Variants in SEC14L5 observed in about 807,000 individuals in gnomAD.
SEC14L5 encodes SEC14-like protein 5.
Under a neutral mutation model 84.6 loss-of-function variants are expected in SEC14L5, and 96 were observed. The ratio of observed to expected loss-of-function variants is 1.13; its 90% CI spans 0.96 to 1.34. The LOEUF (loss-of-function observed/expected upper bound fraction) is 1.34, where lower values mean the gene tolerates loss of function less well. SEC14L5 is among the 40% of genes most tolerant of loss of function. The probability of loss-of-function intolerance (pLI) is 0.00; values close to 1 mark genes in which losing one functional copy is unlikely to be tolerated. For missense variants in SEC14L5, 1,224 were observed against 942.5 expected, an observed-to-expected ratio of 1.30 and a Z score of -3.91; for synonymous variants, 546 against 383.4, an observed-to-expected ratio of 1.42 and a Z score of -4.95.
chr16:5,012,343 A>G (rs1320778830), intron 15 of SEC14L5, among the ~76,000 whole-genome samples: 2 of 152,154 alleles, frequency 1.3e-5, no homozygotes, highest in South Asian at 4.1e-4. Context: ...GGGCTGGGCC[A>G]GACGCTGCAC....
chr16:5,006,177 G>C (rs1433741842), intron 12 of SEC14L5, 129 bp downstream of exon 12: 2 of 912,360 alleles, frequency 2.2e-6, no homozygotes, highest in Non-Finnish European at 3.3e-6. Context: ...CTCTGCCTAG[G>C]GCAGGTCTTG....
rs144760961 is a variant in SEC14L5, at chr16:5,017,396, C to A, written c.*2426C>A. 6.6e-6 allele frequency: 1 copy of A among 152,408 alleles called. No individual in the cohort carries two copies. The highest frequency in any genetic ancestry group is 1.9e-4 in the East Asian group (1 of 5,188). 9.4% of individuals were successfully genotyped at this position (152,408 alleles called of 1,614,324 possible). A position where few individuals can be genotyped will look rare whatever the true frequency, so the allele number is the denominator to read the frequency against. ...ATGGCTGGATCCAGGAGCTTAATGTCCTCAGGCCTCTCAACTGCACCCAGG... is the reference window on the plus strand; with the variant it reads ...ATGGCTGGATCCAGGAGCTTAATGTACTCAGGCCTCTCAACTGCACCCAGG... On this transcript the variant is annotated 3_prime_UTR_variant, in exon 16 of 16. Transcript: ENST00000251170.
intron 2 of SEC14L5, among the ~76,000 whole-genome samples, chr16:4,980,288 C>G (rs1242554728): frequency 6.6e-6 from 1 of 152,214 alleles, no homozygotes; most frequent in African/African-American, 2.4e-5. Context: ...AGCCTCAGCT[C>G]GAATGTCCCC....
At position 5,004,534 on chromosome 16, in the gene SEC14L5, C is replaced by G. The variant is rs191190347; in HGVS notation, c.1302+961C>G. 3.4e-4 allele frequency among the ~76,000 whole-genome samples: 51 copies of G among 152,068 alleles called. No individual in the cohort carries two copies. In the East Asian group the frequency reaches 8.8e-3, roughly 26 times the overall value. On this transcript the variant is annotated intron_variant, in intron 11 of 15. Coordinates refer to ENST00000251170, the MANE Select transcript of SEC14L5 (RefSeq NM_014692.2). ...GTGACTGCAGTAAGCCTGGCCACCC[C>G]CAAGAGGAGGGAATGTCCTTGCAGA...
rs571736843 is a variant in SEC14L5, at chr16:5,016,162, G to A, written c.*1192G>A. The A allele has an allele frequency of 1.3e-5, 2 of 152,302 alleles. No individual in the cohort carries two copies. Among genetic ancestry groups the A allele is most frequent in the Non-Finnish European group, 1.5e-5 (1 of 68,052 alleles). The allele number at this position is 152,302 out of a possible 1,614,324, so 9.4% of individuals were successfully genotyped here. On this transcript the variant is annotated 3_prime_UTR_variant, in exon 16 of 16. Transcript: ENST00000251170. ...ATTCCCCCCGCGAGTGGAGGCTGCT[G>A]TGTTTGCCCTGGGGCAGATATGACT...
intron 2 of SEC14L5, among the ~76,000 whole-genome samples, chr16:4,963,035 C>T (rs976082151): frequency 6.0e-4 from 91 of 152,172 alleles, no homozygotes; most frequent in African/African-American, 2.1e-3. Flanking sequence ...ATTTTCACTG[C>T]ATCCGAGTGA....
At chr16:5,007,647 C>T (rs1246951586) in intron 13 of SEC14L5, among the ~76,000 whole-genome samples, 161 bp downstream of exon 13, 1 of 149,762 alleles carries the variant, frequency 6.7e-6, no homozygotes, top group African/African-American at 2.5e-5. Context: ...GCTCTGTTGC[C>T]CAGGCTGGAG....
intron 15 of SEC14L5, among the ~76,000 whole-genome samples, chr16:5,013,078 C>T (rs1955825219): frequency 6.6e-6 from 1 of 152,244 alleles, no homozygotes; most frequent in South Asian, 2.1e-4. Flanking sequence ...CATCAGACCT[C>T]ATGAGAACTC....
intron 10 of SEC14L5, 118 bp from the exon 11 acceptor site, chr16:5,003,284 C>A: frequency 1.4e-6 from 1 of 729,950 alleles, no homozygotes; most frequent in Non-Finnish European, 2.3e-6. Context: ...GTGGCAGGAG[C>A]CCCCATCTGC....
chr16:5,003,523 C>T lies in SEC14L5; in HGVS notation c.1252C>T (p.Arg418Trp), dbSNP rs546103563. 3.4e-5 allele frequency: 50 copies of T among 1,480,952 alleles called. No individual in the cohort carries two copies. The highest frequency in any genetic ancestry group is 9.0e-5 in the South Asian group (8 of 89,274). The allele number at this position is 1,480,952 out of a possible 1,614,324, so 91.7% of individuals were successfully genotyped here. The change falls in exon 11 of 16, where the codon CGG (arginine) becomes TGG (tryptophan). Residue 418 changes from arginine to tryptophan, a missense_variant. Transcript: ENST00000251170. ...GGACAATTACCCAGAGACCCTGGGT[C>T]GGCTGCTCATCGTGCGAGCCCCCCG... Reference protein sequence around the residue: ...VEDNYPETLGRLLIVRAPRVF... With the variant: ...VEDNYPETLGWLLIVRAPRVF...
At chr16:4,988,970 C>T (rs1596628727) in intron 4 of SEC14L5, among the ~76,000 whole-genome samples, 1 of 152,264 alleles carries the variant, frequency 6.6e-6, no homozygotes, top group South Asian at 2.1e-4. Flanking sequence ...GTGTGGGAGT[C>T]AGAGAAGGTG....
intron 2 of SEC14L5, among the ~76,000 whole-genome samples, chr16:4,985,462 C>T (rs553064577): frequency 2.6e-5 from 4 of 152,208 alleles, no homozygotes; most frequent in South Asian, 2.1e-4. Flanking sequence ...TCCTGACCTT[C>T]GGTGATCCAC....
intron 10 of SEC14L5, 96 bp from the exon 11 acceptor site, chr16:5,003,306 T>C (rs2142522408): frequency 1.1e-6 from 1 of 924,978 alleles, no homozygotes; most frequent in East Asian, 2.5e-5. Flanking sequence ...CCCAGCCCTA[T>C]CTCTCGGAGC....
At position 4,995,329 on chromosome 16, in the gene SEC14L5, C is replaced by G. The variant is rs905991594; in HGVS notation, c.668-1019C>G. Among the ~76,000 whole-genome samples, 3 of 152,216 alleles carry G rather than the reference C, an allele frequency of 2.0e-5. No homozygotes were observed. In the East Asian group the frequency reaches 5.8e-4, roughly 29 times the overall value. On this transcript the variant is annotated intron_variant, in intron 6 of 15. Coordinates refer to ENST00000251170, the MANE Select transcript of SEC14L5 (RefSeq NM_014692.2). ...AGGACTCAAGCTTGGGGCCTGGCCT[C>G]TGCACACTGGCAACATTCCGACTAC...
chr16:4,960,913 G>A (rs1467074211), intron 2 of SEC14L5, among the ~76,000 whole-genome samples: 2 of 152,190 alleles, frequency 1.3e-5, no homozygotes, highest in Non-Finnish European at 1.5e-5. Flanking sequence ...ATCCAGGGAC[G>A]TGAATTCAGA....
intron 13 of SEC14L5, among the ~76,000 whole-genome samples, chr16:5,007,778 G>C (rs781165014): frequency 6.7e-4 from 100 of 149,860 alleles, no homozygotes; most frequent in Non-Finnish European, 1.3e-3. Flanking sequence ...GCTAATTTTT[G>C]TATTTTTAGT....
At chr16:4,969,913 G>T (rs1192781485) in intron 2 of SEC14L5, among the ~76,000 whole-genome samples, 1 of 151,644 alleles carries the variant, frequency 6.6e-6, no homozygotes, top group Admixed American at 6.6e-5. Context: ...AACCTTGCAG[G>T]CTCAAGCGAT....
chr16:4,960,350 T>C (rs954339829), intron 2 of SEC14L5, among the ~76,000 whole-genome samples: 1 of 152,168 alleles, frequency 6.6e-6, no homozygotes, highest in African/African-American at 2.4e-5. Context: ...TGTAAATTAA[T>C]GTATTGAAAG....
chr16:4,978,136 C>T (rs547374221), intron 2 of SEC14L5, among the ~76,000 whole-genome samples: 52 of 119,960 alleles, frequency 4.3e-4, no homozygotes, highest in East Asian at 1.3e-3. Context: ...AGATCTTGGC[C>T]GGGCGCGGTG....
Sources: allele counts gnomAD v4.1 joint callset (sites outside exome capture counted in the v4.1 genomes callset), GRCh38; gene constraint gnomAD v4.1.1; transcripts MANE v1.5; gene names NCBI Gene and HGNC (gene_info 2026-07-23, HGNC 2026-07-21).